The following LPCAT3 variants were observed in gnomAD, a reference collection of about 807,000 sequenced individuals.
The protein encoded by LPCAT3 is lysophospholipid acyltransferase 5.
Under a neutral mutation model 63.4 loss-of-function variants are expected in LPCAT3, and 21 were observed. The observed-to-expected ratio is 0.33, with a 90% CI of 0.23 to 0.48. The LOEUF (loss-of-function observed/expected upper bound fraction) is 0.48, where lower values mean the gene tolerates loss of function less well. Among genes scored for constraint, LPCAT3 ranks in the 20% least tolerant of loss-of-function variants. LPCAT3 has a pLI of 0.99. For missense variants in LPCAT3, 451 were observed against 590.6 expected, an observed-to-expected ratio of 0.76 and a Z score of 2.45; for synonymous variants, 242 against 227.5, an observed-to-expected ratio of 1.06 and a Z score of -0.58.
chr12:6,985,671 T>C (rs1565599769), intron 1 of LPCAT3, among the ~76,000 whole-genome samples: 1 of 151,002 alleles, frequency 6.6e-6, no homozygotes, highest in Admixed American at 6.6e-5. Flanking sequence ...GCTGAGATCG[T>C]GCCATTGCAC....
chr12:6,998,045 T>C (rs1946653373), intron 1 of LPCAT3, among the ~76,000 whole-genome samples: 1 of 151,932 alleles, frequency 6.6e-6, no homozygotes, highest in Admixed American at 6.6e-5. Flanking sequence ...AGGCAGGGTC[T>C]TGCTCTGTCG....
Position 6,977,675 on chromosome 12 carries a change from C to T in LPCAT3, c.1111G>A (p.Ala371Thr). The change falls in exon 10 of 13, where the codon GCC (alanine) becomes ACC (threonine). Residue 371 changes from alanine (A) to threonine (T), a missense_variant. By Grantham distance (58) the Ala-to-Thr change is moderately conservative (BLOSUM62 0). Around this residue, in one of 3 missense-constraint regions of LPCAT3, gnomAD observed 304 missense variants for 390.8 expected, o/e 0.78. Coordinates refer to ENST00000261407, the MANE Select transcript of LPCAT3 (RefSeq NM_005768.6). The surrounding 1 kb of genome is among the most constrained non-coding windows in gnomAD (Gnocchi z 4.5). ...LSQGLSLLFL[A>T]LWHGLHSGYL... ...CCTGAGTGCAGGCCGTGCCAGAGGG[C>T]CAGGAATAGCAACGAGAGACCCTGA... 1 of 1,614,192 alleles carries T rather than the reference C, an allele frequency of 6.2e-7. No individual in the cohort carries two copies. Among genetic ancestry groups the T allele is most frequent in the Non-Finnish European group, 8.5e-7 (1 of 1,180,028 alleles).
Position 6,976,873 on chromosome 12 carries a change from C to T in LPCAT3, c.*31G>A, listed in dbSNP as rs1946409647. The T allele has an allele frequency of 2.8e-6, 1 of 356,926 alleles. No homozygotes were observed. The highest frequency in any genetic ancestry group is 4.0e-5 in the South Asian group (1 of 25,220). The allele number at this position is 356,926 out of a possible 1,614,324, so 22.1% of individuals were successfully genotyped here. A position where few individuals can be genotyped will look rare whatever the true frequency, so the allele number is the denominator to read the frequency against. The stretch of plus-strand genomic sequence containing the variant: ...AAAAGGGAGACGAGTAGTTTCTGCA[C>T]CAGTCCCGCACAGGCCACCTGCAAG... On this transcript the variant is annotated 3_prime_UTR_variant, in exon 13 of 13. Transcript: ENST00000261407.
intron 1 of LPCAT3, among the ~76,000 whole-genome samples, chr12:7,005,193 A>T (rs1219073087): frequency 2.0e-5 from 3 of 152,206 alleles, no homozygotes; most frequent in African/African-American, 7.2e-5. Flanking sequence ...ATCATACAAT[A>T]TGTGGCCATT....
intron 1 of LPCAT3, among the ~76,000 whole-genome samples, chr12:7,007,498 TTTTTTTTTTTTTTTGA>T (rs1946734205): frequency 6.7e-6 from 1 of 148,778 alleles, no homozygotes; most frequent in Non-Finnish European, 1.5e-5. Flanking sequence ...AAAAGCTTTT[TTTTTTTTTTTTTTTGA>T]GACGGAGTCT....
intron 1 of LPCAT3, 148 bp from the exon 2 acceptor site, chr12:6,983,687 A>AT: frequency 1.7e-6 from 1 of 599,668 alleles, no homozygotes; most frequent in Admixed American, 3.3e-5. Flanking sequence ...AGAGAAGGCA[A>AT]TAACGGTATC....
intron 12 of LPCAT3, 55 bp from the exon 13 acceptor site, chr12:6,976,946 C>G: frequency 1.8e-6 from 1 of 563,206 alleles, no homozygotes; most frequent in East Asian, 2.9e-5. Context: ...AATTCCTGGT[C>G]TATAGCCCTT....
At chr12:6,978,252 TA>T (rs1946431920) in intron 9 of LPCAT3, 88 bp downstream of exon 9, 1 of 1,435,816 alleles carries the variant, frequency 7.0e-7, no homozygotes, top group Non-Finnish European at 9.5e-7. Flanking sequence ...GAAAGACGCA[TA>T]GGGGTGACAT....
intron 1 of LPCAT3, among the ~76,000 whole-genome samples, chr12:6,995,291 T>C (rs782703492): frequency 1.1e-4 from 17 of 152,038 alleles, no homozygotes; most frequent in African/African-American, 1.9e-4. Context: ...CTGACCAACA[T>C]GGTGAAACCC....
At chr12:6,976,958 C>T in intron 12 of LPCAT3, 67 bp from the exon 13 acceptor site, 1 of 581,056 alleles carries the variant, frequency 1.7e-6, no homozygotes, top group South Asian at 2.0e-5. Flanking sequence ...ATAGCCCTTC[C>T]AGATGTTTCC....
intron 1 of LPCAT3, among the ~76,000 whole-genome samples, chr12:6,990,916 C>CAAAA (rs59031613): frequency 1.3e-4 from 9 of 68,140 alleles, no homozygotes; most frequent in South Asian, 5.6e-4. Flanking sequence ...GACTCCAAAT[C>CAAAA]AAAAAAAAAA....
In LPCAT3 at chr12:7,017,437, G is replaced by T. The variant is rs2138365872; in HGVS notation, c.151+837C>A. 6.6e-6 allele frequency among the ~76,000 whole-genome samples: 1 copy of T among 152,248 alleles called. No homozygotes were observed. The highest frequency in any genetic ancestry group is 1.9e-4 in the East Asian group (1 of 5,186). Reference sequence around the variant, plus strand: ...CCTTCAGTTTGTGAGCAGCAACAAGGCTGGATCTGATTTGTTTGCCTTCAA... The same window carrying T: ...CCTTCAGTTTGTGAGCAGCAACAAGTCTGGATCTGATTTGTTTGCCTTCAA... On this transcript the variant is annotated intron_variant, in intron 1 of 12. Coordinates refer to ENST00000261407, the MANE Select transcript of LPCAT3 (RefSeq NM_005768.6). The surrounding 1 kb of genome is among the most constrained non-coding windows in gnomAD (Gnocchi z 4.1).
intron 1 of LPCAT3, among the ~76,000 whole-genome samples, chr12:6,994,189 A>G (rs1415188701): frequency 6.6e-6 from 1 of 152,048 alleles, no homozygotes; most frequent in Admixed American, 6.6e-5. Context: ...TATACCTAGG[A>G]ATGGATCTCC....
Position 6,977,508 on chromosome 12 carries a change from T to G in LPCAT3, c.1206A>C (p.Gln402His). The G allele has an allele frequency of 2.5e-6, 4 of 1,614,176 alleles. No individual in the cohort carries two copies. In the South Asian group the frequency reaches 4.4e-5, roughly 18 times the overall value. ...IVERQAARLI[Q>H]ESPTLSKLAA... is the part of the protein sequence containing the mutation. ...CCAGCTTGCTCAGGGTGGGGCTCTC[T>G]TGAATGAGCCTGGCAGCCTGGGGAG... The change falls in exon 11 of 13, where the codon CAA becomes CAC. Residue 402 changes from glutamine (Q) to histidine (H), a missense_variant. Physicochemically the swap from Gln to His is conservative, Grantham distance 24. This residue lies in a region of LPCAT3 where 304 missense variants were observed against 390.8 expected (regional missense o/e 0.78). Coordinates refer to ENST00000261407, the MANE Select transcript of LPCAT3 (RefSeq NM_005768.6). This position sits in a 1 kb window ranked among gnomAD's most constrained non-coding sequence, Gnocchi z 4.5.
At position 6,981,111 on chromosome 12, in the gene LPCAT3, G is replaced by GAA; in HGVS notation, c.568_569dup (p.Tyr192ProfsTer9). The GAA allele has an allele frequency of 6.2e-7, 1 of 1,614,034 alleles. No homozygotes were observed. Among genetic ancestry groups the GAA allele is most frequent in the Non-Finnish European group, 8.5e-7 (1 of 1,179,970 alleles). The stretch of plus-strand genomic sequence containing the variant: ...CCAAGAAGGCCCCATAGAAGTAGGA[G>GAA]AAACCAGCAACTTCCAGCAGGGAAG... On this transcript the variant is annotated frameshift_variant, in exon 6 of 13. Coordinates refer to ENST00000261407, the MANE Select transcript of LPCAT3 (RefSeq NM_005768.6). LOFTEE classifies it high-confidence loss of function.
chr12:6,988,537 A>T (rs910738356), intron 1 of LPCAT3, among the ~76,000 whole-genome samples: 2 of 152,190 alleles, frequency 1.3e-5, no homozygotes, highest in East Asian at 3.8e-4. Flanking sequence ...CTGAGCCTTA[A>T]TGCTTTTTTG....
At position 7,015,600 on chromosome 12, in the gene LPCAT3, C is replaced by T. The variant is rs782263887; in HGVS notation, c.151+2674G>A. On this transcript the variant is annotated intron_variant, in intron 1 of 12. Transcript: ENST00000261407. ...TGCCTACTAGGAATACAATCCTACC[C>T]GTCCACATGATGAGCTATACCTGAT... 9.2e-5 allele frequency among the ~76,000 whole-genome samples: 14 copies of T among 152,272 alleles called. 1 individual carries two copies. The highest frequency in any genetic ancestry group is 2.9e-4 in the African/African-American group (12 of 41,562).
chr12:7,000,873 AT>A (rs797037186), intron 1 of LPCAT3, among the ~76,000 whole-genome samples: 173 of 151,464 alleles, frequency 1.1e-3, no homozygotes, highest in Admixed American at 3.4e-3. Context: ...CGCCTGGCTA[AT>A]TTTTTTGTAT....
intron 7 of LPCAT3, 90 bp from the exon 8 acceptor site, chr12:6,978,779 A>G: frequency 6.4e-7 from 1 of 1,550,718 alleles, no homozygotes; most frequent in African/African-American, 1.4e-5. Context: ...GTGGCTGGCT[A>G]CTTCATACCT....
Sources: gnomAD v4.1 joint callset for allele counts (sites outside exome capture counted in the v4.1 genomes callset) on GRCh38, gnomAD v4.1.1 for gene constraint, gnomAD v4.1.1 regional missense constraint, Gnocchi (gnomAD v3.1) non-coding constraint, MANE v1.5 for transcripts, NCBI Gene and HGNC (gene_info 2026-07-23, HGNC 2026-07-21) for gene names.